ITPRID2: variants seen among roughly 807,000 people sequenced by gnomAD.
ITPRID2 encodes the protein protein ITPRID2.
Under a neutral mutation model 124.3 loss-of-function variants are expected in ITPRID2, and 60 were observed. The ratio of observed to expected loss-of-function variants is 0.48; its 90% CI spans 0.39 to 0.60. The LOEUF is 0.60. Among genes scored for constraint, ITPRID2 ranks in the 20% least tolerant of loss-of-function variants. ITPRID2 has a pLI of 0.00. For missense variants in ITPRID2, 1,553 were observed against 1,512.2 expected (o/e 1.03, Z -0.45); for synonymous variants, 521 against 542.9 (o/e 0.96, Z 0.56).
At chr2:181,924,298 A>G (rs1694693263) in intron 16 of ITPRID2, among the ~76,000 whole-genome samples, 1 of 152,210 alleles carries the variant, frequency 6.6e-6, no homozygotes, top group Non-Finnish European at 1.5e-5. Context: ...TTATGTTAAT[A>G]TTCTCTTAGT....
rs1693041408 is a variant in ITPRID2 at position 181,905,502 on chromosome 2, T to A, written c.1413+3036T>A. ...GCCATAGATTAGTAGTGTGAATGAT[T>A]CACAAGTTAAACCAAAATGATCCTT... is the stretch of plus-strand genomic sequence containing the variant. On this transcript the variant is annotated intron_variant, in intron 8 of 17. Transcript: ENST00000431877. This position sits in a 1 kb window ranked among gnomAD's most constrained non-coding sequence, Gnocchi z 4.1. Among the ~76,000 whole-genome samples the A allele has an allele frequency of 6.6e-6, 1 of 152,210 alleles. No individual in the cohort carries two copies. The highest frequency in any genetic ancestry group is 2.4e-5 in the African/African-American group (1 of 41,450).
chr2:181,896,858 G>A lies in ITPRID2; in HGVS notation c.308-50G>A, dbSNP rs993036440. 8 of 1,411,506 alleles carry A rather than the reference G, an allele frequency of 5.7e-6. No homozygotes were observed. Among genetic ancestry groups the A allele is most frequent in the African/African-American group, 1.4e-5 (1 of 70,652 alleles). The allele number at this position is 1,411,506 out of a possible 1,614,324, so 87.4% of individuals were successfully genotyped here. On this transcript the variant is annotated intron_variant, in intron 3 of 17. Coordinates refer to ENST00000431877, the MANE Select transcript of ITPRID2 (RefSeq NM_001130445.3). The surrounding 1 kb of genome is among the most constrained non-coding windows in gnomAD (Gnocchi z 4.3). ...TAACTAAAACAGTGATTTTATATGA[G>A]GGTGGAGAGGAACAGAACACCAGGA... is the stretch of plus-strand genomic sequence containing the variant.
intron 11 of ITPRID2, chr2:181,916,887 T>C (rs1337501234): frequency 2.0e-6 from 2 of 997,746 alleles, no homozygotes; most frequent in Non-Finnish European, 1.2e-6. Flanking sequence ...GTTCTGCTCG[T>C]AGCTCTCTGA....
At chr2:181,924,288 T>A (rs570715761) in intron 16 of ITPRID2, among the ~76,000 whole-genome samples, 2 of 152,334 alleles carry the variant, frequency 1.3e-5, no homozygotes, top group South Asian at 4.1e-4. Flanking sequence ...ATTTAAAAAA[T>A]TATGTTAATA....
At position 181,930,394 on chromosome 2, in the gene ITPRID2, AT is replaced by A. The variant is rs1392117222; in HGVS notation, c.*850del. ...TTTTTTCAAAATGGAAGTAATTTAG[AT>A]TTGTTCTCCTCATACATAAAATGAT... is the stretch of plus-strand genomic sequence containing the variant. On this transcript the variant is annotated 3_prime_UTR_variant, in exon 18 of 18. Coordinates refer to ENST00000431877, the MANE Select transcript of ITPRID2 (RefSeq NM_001130445.3). 1 of 152,524 alleles carries A rather than the reference AT, an allele frequency of 6.6e-6. No individual in the cohort carries two copies. Among genetic ancestry groups the A allele is most frequent in the African/African-American group, 2.4e-5 (1 of 41,444 alleles). 9.4% of individuals were successfully genotyped at this position (152,524 alleles called of 1,614,324 possible). A position where few individuals can be genotyped will look rare whatever the true frequency, so the allele number is the denominator to read the frequency against.
chr2:181,928,905 C>A (rs998770326), intron 17 of ITPRID2, among the ~76,000 whole-genome samples: 1 of 152,152 alleles, frequency 6.6e-6, no homozygotes, highest in African/African-American at 2.4e-5. Flanking sequence ...GGATTACAGG[C>A]GTGAGCCACC....
Position 181,915,932 on chromosome 2 carries a change from C to T in ITPRID2, c.2292C>T (p.Thr764=). The T allele has an allele frequency of 6.2e-7, 1 of 1,614,136 alleles. No individual in the cohort carries two copies. Among genetic ancestry groups the T allele is most frequent in the Non-Finnish European group, 8.5e-7 (1 of 1,180,034 alleles). The change falls in exon 11 of 18, where the codon ACC becomes ACT. Residue 764 remains threonine (T), a synonymous_variant. Transcript: ENST00000431877. ...VNVRLSPGKE[T]RCSPPSFTYK... ...TTCGATTATCTCCAGGAAAAGAGAC[C>T]AGATGCAGCCCACCTTCCTTCACCT...
chr2:181,911,743 A>G (rs1018809680), intron 9 of ITPRID2, among the ~76,000 whole-genome samples: 2 of 152,244 alleles, frequency 1.3e-5, no homozygotes, highest in Non-Finnish European at 2.9e-5. Flanking sequence ...TTTATGGTTT[A>G]CAAAATAGTT....
chr2:181,928,848 G>A (rs1322069937), intron 17 of ITPRID2, among the ~76,000 whole-genome samples: 2 of 151,864 alleles, frequency 1.3e-5, no homozygotes, highest in Non-Finnish European at 2.9e-5. Flanking sequence ...GGATGGTCTC[G>A]ATCTCCTGAC....
chr2:181,911,552 G>C (rs954230855), intron 9 of ITPRID2, among the ~76,000 whole-genome samples: 2 of 152,130 alleles, frequency 1.3e-5, no homozygotes, highest in South Asian at 4.1e-4. Flanking sequence ...GATGATACTA[G>C]ACAAAGTTTC....
At chr2:181,926,712 CAAAA>C (rs567004734) in intron 16 of ITPRID2, among the ~76,000 whole-genome samples, 6 of 65,974 alleles carry the variant, frequency 9.1e-5, no homozygotes, top group African/African-American at 1.6e-4. Flanking sequence ...GAATCCATCT[CAAAA>C]AAAAAAAAAA....
rs1695008046 is a variant in ITPRID2 at position 181,928,242 on chromosome 2, A to G, written c.3757A>G (p.Asn1253Asp). The G allele has an allele frequency of 6.5e-7, 1 of 1,544,790 alleles. No homozygotes were observed. Among genetic ancestry groups the G allele is most frequent in the Non-Finnish European group, 8.7e-7 (1 of 1,144,924 alleles). ...LAAVSSSKAS[N>D]SKQDYH ...AGCAGTATCTTCAAGTAAAGCGTCT[A>G]ATTCTAAGCAAGATTATCATTAAAC... Residue 1253 changes from asparagine to aspartate, a missense_variant, in exon 17 of 18, where the codon AAT becomes GAT. Coordinates refer to ENST00000431877, the MANE Select transcript of ITPRID2 (RefSeq NM_001130445.3).
At chr2:181,915,084 AT>A in intron 10 of ITPRID2, 131 bp from the exon 11 acceptor site, 1 of 1,048,394 alleles carries the variant, frequency 9.5e-7, no homozygotes, top group East Asian at 2.4e-5. Context: ...CAATAAAACA[AT>A]TTTGAGCAAC....
At chr2:181,898,280 C>G (rs1176836884) in intron 4 of ITPRID2, among the ~76,000 whole-genome samples, 2 of 151,836 alleles carry the variant, frequency 1.3e-5, no homozygotes. Flanking sequence ...TTGTATTTGT[C>G]TATAAATTTA....
At position 181,896,463 on chromosome 2, in the gene ITPRID2, C is replaced by A. The variant is rs906303841; in HGVS notation, c.307+384C>A. Among the ~76,000 whole-genome samples, 2 of 151,900 alleles carry A rather than the reference C, an allele frequency of 1.3e-5. No individual in the cohort carries two copies. The highest frequency in any genetic ancestry group is 2.9e-5 in the Non-Finnish European group (2 of 67,838). On this transcript the variant is annotated intron_variant, in intron 3 of 17. Coordinates refer to ENST00000431877, the MANE Select transcript of ITPRID2 (RefSeq NM_001130445.3). The surrounding 1 kb of genome is among the most constrained non-coding windows in gnomAD (Gnocchi z 4.3). ...CACACCTAAAATTTTACCACCTGTT[C>A]AAGACAGAATTCTAAAGTTCAAAGT... is the stretch of plus-strand genomic sequence containing the variant.
Position 181,919,351 on chromosome 2 carries a change from G to C in ITPRID2, c.3049G>C (p.Asp1017His), listed in dbSNP as rs751899720. ...LRNSVRMELQDLELQLEERLL... is the reference protein window; with the variant it reads ...LRNSVRMELQHLELQLEERLL... The stretch of plus-strand genomic sequence containing the variant: ...AAATTCAGTCCGAATGGAACTTCAG[G>C]ACCTGGAACTGCAGCTGGAGGAGCG... The change falls in exon 14 of 18, where the codon GAC (aspartate) becomes CAC (histidine). Residue 1017 changes from aspartate (D) to histidine (H), a missense_variant. Transcript: ENST00000431877. This position sits in a 1 kb window ranked among gnomAD's most constrained non-coding sequence, Gnocchi z 4.2. 3 of 1,614,024 alleles carry C rather than the reference G, an allele frequency of 1.9e-6. No individual in the cohort carries two copies. In the Admixed American group the frequency reaches 5.0e-5, roughly 27 times the overall value.
At chr2:181,899,789 G>A (rs1249384961) in intron 6 of ITPRID2, among the ~76,000 whole-genome samples, 1 of 152,152 alleles carries the variant, frequency 6.6e-6, no homozygotes, top group African/African-American at 2.4e-5. Flanking sequence ...CTATAATTGT[G>A]CCACTCCATT....
At position 181,915,564 on chromosome 2, in the gene ITPRID2, G is replaced by A; in HGVS notation, c.1924G>A (p.Ala642Thr). The A allele has an allele frequency of 6.2e-7, 1 of 1,614,196 alleles. No homozygotes were observed. Among genetic ancestry groups the A allele is most frequent in the Non-Finnish European group, 8.5e-7 (1 of 1,180,038 alleles). ...AGTAGAGCTACTGAGGGAAGCAAGT[G>A]CTGAAAGTGATGTGGGTAAAAGCAG... is the stretch of plus-strand genomic sequence containing the variant. Reference protein sequence around the residue: ...ETVELLREASAESDVGKSSES... With the variant: ...ETVELLREASTESDVGKSSES... Residue 642 changes from alanine (A) to threonine (T), a missense_variant, in exon 11 of 18, where the codon GCT becomes ACT. Ala to Thr is a moderately conservative substitution (Grantham distance 58). Transcript: ENST00000431877.
rs1211467013 is a variant in ITPRID2, at chr2:181,916,114, A to G, written c.2474A>G (p.His825Arg). ...SEAPRVEECH[H>R]GRTPTCSRLA... The stretch of plus-strand genomic sequence containing the variant: ...GCGCCGCGGGTGGAGGAATGCCATC[A>G]TGGAAGGACTCCTACCTGTTCACGG... The change falls in exon 11 of 18, where the codon CAT becomes CGT. Residue 825 changes from histidine to arginine, a missense_variant. Coordinates refer to ENST00000431877, the MANE Select transcript of ITPRID2 (RefSeq NM_001130445.3). The G allele has an allele frequency of 2.5e-6, 4 of 1,614,242 alleles. No individual in the cohort carries two copies. Among genetic ancestry groups the G allele is most frequent in the East Asian group, 2.2e-5 (1 of 44,890 alleles).
Sources: allele counts gnomAD v4.1 joint callset (sites outside exome capture counted in the v4.1 genomes callset), GRCh38; gene constraint gnomAD v4.1.1; non-coding constraint Gnocchi (gnomAD v3.1); transcripts MANE v1.5; gene names NCBI Gene and HGNC (gene_info 2026-07-23, HGNC 2026-07-21).